PI4KA: variants seen among roughly 807,000 people sequenced by gnomAD.
PI4KA encodes the protein phosphatidylinositol 4-kinase alpha.
In PI4KA, 122 loss-of-function variants were observed where a neutral mutation model predicts 271.4. The ratio of observed to expected loss-of-function variants is 0.45; its 90% CI spans 0.39 to 0.52. The LOEUF (loss-of-function observed/expected upper bound fraction) is 0.52. PI4KA is among the 20% of genes least tolerant of loss of function. The pLI, the probability that PI4KA is intolerant of heterozygous loss-of-function variation, is 0.00. For synonymous variants in PI4KA, 1,041 were observed against 1,078.8 expected (o/e 0.96, Z 0.69); for missense variants, 1,969 against 2,769.1 (o/e 0.71, Z 6.48).
intron 54 of PI4KA, among the ~76,000 whole-genome samples, chr22:20,708,368 G>A (rs1014218450): frequency 6.6e-6 from 1 of 151,854 alleles, no homozygotes; most frequent in Non-Finnish European, 1.5e-5. Flanking sequence ...CCCTTGGCTC[G>A]TCCTGGCCAG....
intron 7 of PI4KA, among the ~76,000 whole-genome samples, chr22:20,817,860 C>T (rs1018642626): frequency 2.7e-5 from 4 of 147,630 alleles, no homozygotes; most frequent in Non-Finnish European, 4.5e-5. Context: ...TGTGGTGGCT[C>T]ATGCATGTAA....
chr22:20,753,310 A>T (rs1930916854), intron 23 of PI4KA, 130 bp from the exon 24 acceptor site: 1 of 779,812 alleles, frequency 1.3e-6, no homozygotes, highest in Non-Finnish European at 2.2e-6. Context: ...GCTCCCATAT[A>T]CCCTTCACCT....
At chr22:20,801,112 G>A (rs1367376857) in intron 14 of PI4KA, among the ~76,000 whole-genome samples, 6 of 147,388 alleles carry the variant, frequency 4.1e-5, no homozygotes, top group Admixed American at 2.7e-4. Flanking sequence ...GGCTGGTCTC[G>A]AACTCCTGAC....
intron 13 of PI4KA, 37 bp from the exon 14 acceptor site, chr22:20,802,142 C>A (rs765402362): frequency 1.3e-6 from 2 of 1,592,022 alleles, no homozygotes; most frequent in South Asian, 1.1e-5. Flanking sequence ...CCTAGTTAGG[C>A]CTATCATTTT....
chr22:20,745,599 C>T (rs1281614094), intron 29 of PI4KA, among the ~76,000 whole-genome samples: 1 of 152,010 alleles, frequency 6.6e-6, no homozygotes, highest in Non-Finnish European at 1.5e-5. Context: ...AATTATTAAA[C>T]TGGTTTATTT....
In PI4KA at chr22:20,741,733, C is replaced by A. The variant is rs5760288; in HGVS notation, c.3741+495G>T. On this transcript the variant is annotated intron_variant, in intron 32 of 54. Transcript: ENST00000255882. Reference sequence around the variant, plus strand: ...AGAAAACATGTCAAATTCCCTGCTACCCTGACAGTTAACAGAATCTTTGAA... The same window carrying A: ...AGAAAACATGTCAAATTCCCTGCTAACCTGACAGTTAACAGAATCTTTGAA... Among the ~76,000 whole-genome samples, 89 of 152,300 alleles carry A rather than the reference C, an allele frequency of 5.8e-4. 1 individual carries two copies. The highest frequency in any genetic ancestry group is 2.5e-3 in the East Asian group (13 of 5,196).
intron 19 of PI4KA, chr22:20,784,061 C>T (rs756525062): frequency 1.9e-6 from 3 of 1,614,020 alleles, no homozygotes; most frequent in Non-Finnish European, 2.5e-6. Flanking sequence ...TTCCATGATG[C>T]AGACCAAGGG....
intron 13 of PI4KA, 88 bp from the exon 14 acceptor site, chr22:20,802,193 T>C (rs1293412488): frequency 8.3e-7 from 1 of 1,212,104 alleles, no homozygotes; most frequent in Admixed American, 2.1e-5. Flanking sequence ...GATAATATGC[T>C]GATCATTTAT....
chr22:20,818,268 A>G (rs1297876764), intron 7 of PI4KA, among the ~76,000 whole-genome samples: 1 of 152,182 alleles, frequency 6.6e-6, no homozygotes, highest in Non-Finnish European at 1.5e-5. Flanking sequence ...ATATTTGAAA[A>G]TTAAATGTAC....
At chr22:20,796,075 G>T in intron 18 of PI4KA, 71 bp downstream of exon 18, 1 of 1,407,452 alleles carries the variant, frequency 7.1e-7, no homozygotes, top group Non-Finnish European at 9.9e-7. Context: ...CCAAGATGGT[G>T]CCTGAAGACT....
chr22:20,848,035 C>G (rs569736161), intron 1 of PI4KA, among the ~76,000 whole-genome samples: 1 of 151,960 alleles, frequency 6.6e-6, no homozygotes, highest in Non-Finnish European at 1.5e-5. Context: ...GTCAAGAGTT[C>G]GAGACCAGCC....
At position 20,729,953 on chromosome 22, in the gene PI4KA, G is replaced by C. The variant is rs1601350788; in HGVS notation, c.4347C>G (p.Thr1449=). Residue 1449 remains threonine, a synonymous_variant, in exon 37 of 55, where the codon ACC becomes ACG. Transcript: ENST00000255882. ...DITVGSRQQA[T]QGWINTYPLS... ...GGGGGTATGTGTTGATCCAGCCTTG[G>C]GTGGCTTGTTGCCGAGAGCCGACAG... The C allele has an allele frequency of 1.7e-5, 27 of 1,614,072 alleles. No individual in the cohort carries two copies. The highest frequency in any genetic ancestry group is 2.3e-5 in the Non-Finnish European group (27 of 1,180,036).
intron 19 of PI4KA, among the ~76,000 whole-genome samples, chr22:20,773,329 T>A (rs1436404128): frequency 6.6e-6 from 1 of 152,154 alleles, no homozygotes; most frequent in Non-Finnish European, 1.5e-5. Flanking sequence ...GAGGTTGCAG[T>A]GAGCTGAGAT....
chr22:20,707,836 T>C lies in PI4KA; in HGVS notation c.*211A>G, dbSNP rs577119999. 118 of 657,166 alleles carry C rather than the reference T, an allele frequency of 1.8e-4. 2 individuals are homozygous for C. The highest frequency in any genetic ancestry group is 1.4e-3 in the South Asian group (83 of 57,906). 40.7% of individuals were successfully genotyped at this position (657,166 alleles called of 1,614,324 possible). The stretch of plus-strand genomic sequence containing the variant: ...CAAACAGAGGACTCACACCTGTGCA[T>C]AGACAGCACCATCCATTGATTGTCG... On this transcript the variant is annotated 3_prime_UTR_variant, in exon 55 of 55. Transcript: ENST00000255882.
At chr22:20,714,325 G>A in intron 47 of PI4KA, 133 bp downstream of exon 47, 7 of 1,493,016 alleles carry the variant, frequency 4.7e-6, no homozygotes, top group African/African-American at 1.4e-5. Context: ...GGATCTGACT[G>A]AGTGAGGGCA....
chr22:20,732,928 C>T, intron 36 of PI4KA, 43 bp downstream of exon 36: 1 of 1,609,944 alleles, frequency 6.2e-7, no homozygotes, highest in Non-Finnish European at 8.5e-7. Flanking sequence ...GCACCCCTGT[C>T]CTGCCTGCCT....
intron 15 of PI4KA, 107 bp downstream of exon 15, chr22:20,799,564 A>C: frequency 1.2e-6 from 1 of 831,808 alleles, no homozygotes; most frequent in Non-Finnish European, 2.0e-6. Flanking sequence ...CTATGCTCTG[A>C]GACAAGGAGA....
intron 19 of PI4KA, among the ~76,000 whole-genome samples, chr22:20,773,377 C>T (rs1932988888): frequency 6.6e-6 from 1 of 152,094 alleles, no homozygotes; most frequent in Admixed American, 6.5e-5. Flanking sequence ...CAGCGCGAAA[C>T]TCTGTCTCAA....
chr22:20,816,491 T>C (rs927211178), intron 7 of PI4KA, among the ~76,000 whole-genome samples: 5 of 152,014 alleles, frequency 3.3e-5, no homozygotes, highest in African/African-American at 4.8e-5. Context: ...GGAAGGGAGA[T>C]AGAAGGACCG....
Sources: gnomAD v4.1 joint callset for allele counts (sites outside exome capture counted in the v4.1 genomes callset) on GRCh38, gnomAD v4.1.1 for gene constraint, MANE v1.5 for transcripts, NCBI Gene and HGNC (gene_info 2026-07-23, HGNC 2026-07-21) for gene names.